Variants in SPINT2 observed in about 807,000 individuals in gnomAD.
The protein encoded by SPINT2 is serine peptidase inhibitor, Kunitz type 2, also known as kunitz-type protease inhibitor 2.
SPINT2 carries 18 observed loss-of-function variants against 30.1 expected under a neutral mutation model. The ratio of observed to expected loss-of-function variants is 0.60; its 90% CI spans 0.41 to 0.89. The LOEUF is 0.89. Among genes scored for constraint, SPINT2 ranks in the 40% least tolerant of loss-of-function variants. The pLI, the probability that SPINT2 is intolerant of heterozygous loss-of-function variation, is 0.00. For synonymous variants in SPINT2, 139 were observed against 137.9 expected (o/e 1.01, Z -0.05); for missense variants, 276 against 334.3 (o/e 0.83, Z 1.36).
chr19:38,266,900 G>A (rs946184777), intron 1 of SPINT2, among the ~76,000 whole-genome samples: 14 of 152,114 alleles, frequency 9.2e-5, no homozygotes, highest in African/African-American at 2.9e-4. Context: ...AAGTAATTAC[G>A]TTAGGATGTA....
At chr19:38,272,496 C>T (rs918624009) in intron 1 of SPINT2, among the ~76,000 whole-genome samples, 5 of 152,114 alleles carry the variant, frequency 3.3e-5, no homozygotes, top group African/African-American at 9.7e-5. Flanking sequence ...TGAAAATGGT[C>T]CATGATTTGC....
chr19:38,281,284 T>C (rs1015884753), intron 1 of SPINT2, among the ~76,000 whole-genome samples: 1 of 152,140 alleles, frequency 6.6e-6, no homozygotes, highest in African/African-American at 2.4e-5. Context: ...AAATTTTTTT[T>C]CTGCTTGTAG....
At chr19:38,273,515 A>G (rs1968480372) in intron 1 of SPINT2, among the ~76,000 whole-genome samples, 1 of 152,220 alleles carries the variant, frequency 6.6e-6, no homozygotes, top group African/African-American at 2.4e-5. Flanking sequence ...CCTCTTTTTA[A>G]GATGCTCTCA....
At chr19:38,272,109 G>A (rs561470633) in intron 1 of SPINT2, among the ~76,000 whole-genome samples, 30 of 152,016 alleles carry the variant, frequency 2.0e-4, no homozygotes, top group Non-Finnish European at 4.0e-4. Flanking sequence ...GCTGAGGTGG[G>A]AGAATTGCTT....
intron 1 of SPINT2, among the ~76,000 whole-genome samples, chr19:38,274,299 C>T (rs1271263665): frequency 6.6e-6 from 1 of 151,408 alleles, no homozygotes; most frequent in East Asian, 1.9e-4. Context: ...CTTTAATCTT[C>T]ACAACAATGT....
At chr19:38,265,645 A>C (rs1568336782) in intron 1 of SPINT2, 1 of 152,286 alleles carries the variant, frequency 6.6e-6, no homozygotes, top group Admixed American at 6.5e-5. Flanking sequence ...GTGGTGAATA[A>C]GGTGATTTAA....
chr19:38,283,982 C>T (rs2060244), intron 2 of SPINT2, among the ~76,000 whole-genome samples, 185 bp downstream of exon 2: 16,665 of 151,694 alleles, frequency 0.11, 1,282 homozygotes, highest in East Asian at 0.37. Context: ...GCTGGGACTA[C>T]GGGCACCCAC....
chr19:38,289,072 C>G (rs925376776), intron 3 of SPINT2, 66 bp from the exon 4 acceptor site: 3 of 1,514,314 alleles, frequency 2.0e-6, no homozygotes, highest in African/African-American at 2.7e-5. Context: ...CTTCCAGACC[C>G]AGACCCAGCT....
intron 1 of SPINT2, among the ~76,000 whole-genome samples, chr19:38,276,326 T>A (rs1285869230): frequency 6.6e-6 from 1 of 152,160 alleles, no homozygotes; most frequent in African/African-American, 2.4e-5. Flanking sequence ...CCCTAGGAGT[T>A]ATTTTTGCTT....
chr19:38,286,422 G>A (rs1457075539), intron 2 of SPINT2, among the ~76,000 whole-genome samples: 2 of 152,206 alleles, frequency 1.3e-5, no homozygotes, highest in East Asian at 3.9e-4. Flanking sequence ...GGCCAGGCCC[G>A]AGGATGCGGA....
chr19:38,265,114 G>C, intron 1 of SPINT2, 116 bp downstream of exon 1: 6 of 875,982 alleles, frequency 6.8e-6, no homozygotes, highest in Non-Finnish European at 1.0e-5. Flanking sequence ...ACTTGATGGC[G>C]TTCAGCGGGT....
intron 1 of SPINT2, among the ~76,000 whole-genome samples, chr19:38,282,406 G>T (rs929500733): frequency 5.3e-5 from 8 of 152,154 alleles, no homozygotes; most frequent in African/African-American, 1.9e-4. Context: ...TGAAGGCCAG[G>T]GTTAGGGAGG....
rs761978950 is a variant in SPINT2, at chr19:38,290,733, G to A, written c.592+158G>A. On this transcript the variant is annotated intron_variant, in intron 6 of 6. Coordinates refer to ENST00000301244, the MANE Select transcript of SPINT2 (RefSeq NM_021102.4). This position sits in a 1 kb window ranked among gnomAD's most constrained non-coding sequence, Gnocchi z 4.3. ...CGTGAGAATGGCGAGGTGGTGGTTT[G>A]TCCCACCGTTCAGTGTACACAGTTG... The A allele has an allele frequency of 9.4e-7, 1 of 1,060,868 alleles. No homozygotes were observed. The highest frequency in any genetic ancestry group is 1.4e-5 in the South Asian group (1 of 71,758). The allele number at this position is 1,060,868 out of a possible 1,614,324, so 65.7% of individuals were successfully genotyped here.
chr19:38,267,822 G>A (rs917621536), intron 1 of SPINT2, among the ~76,000 whole-genome samples: 3 of 152,082 alleles, frequency 2.0e-5, no homozygotes, highest in African/African-American at 7.2e-5. Flanking sequence ...GGCAGATAAC[G>A]TGCCAGGCGG....
chr19:38,265,087 G>C, intron 1 of SPINT2, 89 bp downstream of exon 1: 1 of 1,077,232 alleles, frequency 9.3e-7, no homozygotes, highest in East Asian at 2.8e-5. Flanking sequence ...AACTGGCGGG[G>C]GAGGAAACTG....
intron 1 of SPINT2, among the ~76,000 whole-genome samples, chr19:38,280,805 G>C (rs1438076642): frequency 1.3e-5 from 2 of 152,144 alleles, no homozygotes; most frequent in African/African-American, 4.8e-5. Context: ...CCTCCCTCAG[G>C]TTATTGGTTT....
chr19:38,274,830 T>C, intron 1 of SPINT2, among the ~76,000 whole-genome samples: 1 of 130,552 alleles, frequency 7.7e-6, no homozygotes, highest in East Asian at 2.6e-4. Context: ...AAAAAAAACA[T>C]AAAATGGAGA....
chr19:38,274,999 C>T (rs1968499763), intron 1 of SPINT2, among the ~76,000 whole-genome samples: 1 of 152,098 alleles, frequency 6.6e-6, no homozygotes, highest in Non-Finnish European at 1.5e-5. Context: ...CTGGCAGAGC[C>T]TCTTCTGTGA....
In SPINT2 at chr19:38,291,996, A is replaced by G. The variant is rs1398375390; in HGVS notation, c.749A>G (p.Tyr250Cys). 6 of 1,613,920 alleles carry G rather than the reference A, an allele frequency of 3.7e-6. No individual in the cohort carries two copies. Among genetic ancestry groups the G allele is most frequent in the Middle Eastern group, 1.6e-4 (1 of 6,084 alleles). ...AAGGAGCAGCTGGTGAAGAACACAT[A>G]TGTCCTGTGACCGCCCTGTCGCCAA... ...DDKEQLVKNT[Y>C]VL Residue 250 changes from tyrosine (Y) to cysteine (C), a missense_variant, in exon 7 of 7, where the codon TAT becomes TGT. Coordinates refer to ENST00000301244, the MANE Select transcript of SPINT2 (RefSeq NM_021102.4).
Sources: allele counts gnomAD v4.1 joint callset (sites outside exome capture counted in the v4.1 genomes callset), GRCh38; gene constraint gnomAD v4.1.1; non-coding constraint Gnocchi (gnomAD v3.1); transcripts MANE v1.5; gene names NCBI Gene and HGNC (gene_info 2026-07-23, HGNC 2026-07-21).